SIPA1L3: variants seen among roughly 807,000 people sequenced by gnomAD.
SIPA1L3 encodes the protein signal induced proliferation associated 1 like 3.
In SIPA1L3, 59 loss-of-function variants were observed where a neutral mutation model predicts 150.1. The observed-to-expected ratio is 0.39, with a 90% CI of 0.32 to 0.49. The LOEUF is 0.49. Ranked by LOEUF, SIPA1L3 falls within the 20% of genes least tolerant of loss-of-function variation. The pLI, the probability that SIPA1L3 is intolerant of heterozygous loss-of-function variation, is 0.86. For missense variants in SIPA1L3, 2,211 were observed against 2,489.5 expected (o/e 0.89, Z 2.38); for synonymous variants, 1,070 against 1,077.6 (o/e 0.99, Z 0.14).
At chr19:38,122,259 A>C (rs1284506271) in intron 9 of SIPA1L3, among the ~76,000 whole-genome samples, 1 of 151,922 alleles carries the variant, frequency 6.6e-6, no homozygotes, top group South Asian at 2.1e-4. Context: ...GTTCCTCCCC[A>C]CCCCTCTCAG....
intron 16 of SIPA1L3, among the ~76,000 whole-genome samples, chr19:38,191,117 A>T (rs1300627286): frequency 6.6e-6 from 1 of 152,170 alleles, no homozygotes; most frequent in Non-Finnish European, 1.5e-5. Context: ...GGATCAAATG[A>T]ATTTATAAGC....
intron 1 of SIPA1L3, among the ~76,000 whole-genome samples, chr19:37,982,090 G>C (rs1967215856): frequency 6.6e-6 from 1 of 152,214 alleles, no homozygotes; most frequent in Admixed American, 6.5e-5. Flanking sequence ...CCAACATAAA[G>C]TGCTGGAAGG....
intron 1 of SIPA1L3, among the ~76,000 whole-genome samples, chr19:37,931,658 G>A (rs1327307516): frequency 6.6e-6 from 1 of 152,190 alleles, no homozygotes; most frequent in Non-Finnish European, 1.5e-5. Flanking sequence ...GCTGAGGCAG[G>A]AGAATCCCTT....
chr19:38,119,496 C>A lies in SIPA1L3; in HGVS notation c.2482C>A (p.Leu828Met). 6.2e-7 allele frequency: 1 copy of A among 1,614,184 alleles called. No homozygotes were observed. Residue 828 changes from leucine to methionine, a missense_variant, in exon 9 of 22, where the codon CTG becomes ATG. Physicochemically the swap from Leu to Met is conservative, Grantham distance 15 (BLOSUM62 2). Coordinates refer to ENST00000222345, the MANE Select transcript of SIPA1L3 (RefSeq NM_015073.3). ...GACCCGCCAGGAGTATCTCAAGGAC[C>A]TGGCCGAAAACTGTGTCTCCAACAC... is the stretch of plus-strand genomic sequence containing the variant. ...TRTRQEYLKD[L>M]AENCVSNTPI...
At chr19:38,158,499 T>G (rs1568582413) in intron 13 of SIPA1L3, among the ~76,000 whole-genome samples, 1 of 152,054 alleles carries the variant, frequency 6.6e-6, no homozygotes, top group Non-Finnish European at 1.5e-5. Context: ...TGTCCTGTAC[T>G]GAGAGTGGGA....
At chr19:38,083,688 C>T (rs1160143710) in intron 3 of SIPA1L3, among the ~76,000 whole-genome samples, 1 of 152,056 alleles carries the variant, frequency 6.6e-6, no homozygotes, top group Admixed American at 6.6e-5. Flanking sequence ...AACAGAGCAG[C>T]GAATACAAAA....
Position 38,207,088 on chromosome 19 carries a change from T to TCTC in SIPA1L3, c.*859_*861dup, listed in dbSNP as rs1170834681. On this transcript the variant is annotated 3_prime_UTR_variant, in exon 22 of 22. Transcript: ENST00000222345. ...GGTGGAGCCACCACACAGCCGACTC[T>TCTC]CTCCTCCTCCTCCCGGCACGACCTG... 6.6e-6 allele frequency: 1 copy of TCTC among 151,842 alleles called. No homozygotes were observed. Among genetic ancestry groups the TCTC allele is most frequent in the Non-Finnish European group, 1.5e-5 (1 of 68,060 alleles). 9.4% of individuals were successfully genotyped at this position (151,842 alleles called of 1,614,324 possible). A position where few individuals can be genotyped will look rare whatever the true frequency, so the allele number is the denominator to read the frequency against.
At chr19:38,160,547 G>A (rs2010234) in intron 13 of SIPA1L3, among the ~76,000 whole-genome samples, 77,895 of 151,768 alleles carry the variant, frequency 0.51, 20,636 homozygotes, top group Middle Eastern at 0.63. Context: ...GACTACAGGC[G>A]TGCACCACCA....
At chr19:38,155,567 C>G (rs571444982) in intron 13 of SIPA1L3, among the ~76,000 whole-genome samples, 2 of 152,052 alleles carry the variant, frequency 1.3e-5, no homozygotes, top group African/African-American at 4.8e-5. Flanking sequence ...GATGAATGGG[C>G]GAGATGGATT....
chr19:38,189,831 C>T (rs1481178048), intron 16 of SIPA1L3, among the ~76,000 whole-genome samples: 5 of 152,174 alleles, frequency 3.3e-5, no homozygotes, highest in African/African-American at 1.2e-4. Context: ...GTTTGGTAAA[C>T]TCCAGTATAC....
At chr19:37,986,159 T>C (rs1967344818) in intron 1 of SIPA1L3, among the ~76,000 whole-genome samples, 1 of 152,214 alleles carries the variant, frequency 6.6e-6, no homozygotes, top group African/African-American at 2.4e-5. Flanking sequence ...CAGGGCTTCC[T>C]GGATAGAGCC....
At chr19:37,923,758 T>C (rs998080290) in intron 1 of SIPA1L3, among the ~76,000 whole-genome samples, 1 of 149,818 alleles carries the variant, frequency 6.7e-6, no homozygotes, top group African/African-American at 2.5e-5. Flanking sequence ...CTGTTTGGGT[T>C]TTTTTTTTTT....
At chr19:38,182,373 T>C (rs1024434133) in intron 15 of SIPA1L3, 146 bp from the exon 16 acceptor site, 1 of 667,858 alleles carries the variant, frequency 1.5e-6, no homozygotes, top group Non-Finnish European at 2.6e-6. Context: ...GTCTATACTG[T>C]TGGAATTTTC....
intron 16 of SIPA1L3, among the ~76,000 whole-genome samples, chr19:38,187,463 CAAAA>C (rs1972708594): frequency 6.7e-6 from 1 of 148,680 alleles, no homozygotes; most frequent in Non-Finnish European, 1.5e-5. Context: ...AAAAAAAAGA[CAAAA>C]GGCACTTTGG....
chr19:38,204,202 G>C lies in SIPA1L3; in HGVS notation c.5196G>C (p.Leu1732=). 6.4e-7 allele frequency: 1 copy of C among 1,555,452 alleles called. No individual in the cohort carries two copies. The highest frequency in any genetic ancestry group is 8.7e-7 in the Non-Finnish European group (1 of 1,149,160). ...EVMLKQLHTD[L]QKEKQDKVVL... is the part of the protein sequence containing the mutation. Reference sequence around the variant, plus strand: ...TGCTGAAACAGCTGCACACTGACCTGCAGAAGGTAAGGCCGGGGGCCACGC... The same window carrying C: ...TGCTGAAACAGCTGCACACTGACCTCCAGAAGGTAAGGCCGGGGGCCACGC... Residue 1732 remains leucine (L), a synonymous_variant, in exon 21 of 22, where the codon CTG becomes CTC. Transcript: ENST00000222345.
intron 13 of SIPA1L3, among the ~76,000 whole-genome samples, chr19:38,160,293 C>T (rs978997259): frequency 1.3e-5 from 2 of 152,084 alleles, no homozygotes; most frequent in Admixed American, 6.6e-5. Context: ...GGATTACAGG[C>T]ATGAGCCACC....
At chr19:38,088,265 G>C (rs1020016850) in intron 3 of SIPA1L3, among the ~76,000 whole-genome samples, 6 of 152,260 alleles carry the variant, frequency 3.9e-5, no homozygotes. Context: ...GCAGAGCCCA[G>C]GTGTGAGGAG....
In SIPA1L3 at chr19:37,908,616, G is replaced by GT. The variant is rs140160333; in HGVS notation, c.-379+1269dup. The stretch of plus-strand genomic sequence containing the variant: ...ATTAAATGATTAAATGTATCTTGCT[G>GT]TTTTTTTTTTTAATAGGCCCTTTTT... On this transcript the variant is annotated intron_variant, in intron 1 of 21. Coordinates refer to ENST00000222345, the MANE Select transcript of SIPA1L3 (RefSeq NM_015073.3). Among the ~76,000 whole-genome samples the GT allele has an allele frequency of 6.2e-4, 92 of 147,902 alleles. 1 individual carries two copies. The highest frequency in any genetic ancestry group is 2.3e-3 in the Admixed American group (34 of 14,822).
In SIPA1L3 at chr19:38,051,098, G is replaced by T. The variant is rs111784791; in HGVS notation, c.-311+21942G>T. Among the ~76,000 whole-genome samples the T allele has an allele frequency of 1.3e-3, 198 of 152,226 alleles. 1 individual carries two copies. Among genetic ancestry groups the T allele is most frequent in the African/African-American group, 4.7e-3 (196 of 41,546 alleles). On this transcript the variant is annotated intron_variant, in intron 2 of 21. Coordinates refer to ENST00000222345, the MANE Select transcript of SIPA1L3 (RefSeq NM_015073.3). ...ATATATGTAAAGTGTTTAGAGCAGT[G>T]CCTGGCACATGGTAAATGCTATAGT...
Sources: allele counts gnomAD v4.1 joint callset (sites outside exome capture counted in the v4.1 genomes callset), GRCh38; gene constraint gnomAD v4.1.1; transcripts MANE v1.5; gene names NCBI Gene and HGNC (gene_info 2026-07-23, HGNC 2026-07-21).